The following RBFOX1 variants were observed in gnomAD, a reference collection of about 807,000 sequenced individuals.
RBFOX1 encodes RNA binding fox-1 homolog 1, also known as RNA binding protein fox-1 homolog 1.
A neutral mutation model predicts 57.7 loss-of-function variants in RBFOX1; 8 were observed. The ratio of observed to expected loss-of-function variants is 0.14; its 90% CI spans 0.08 to 0.25. The LOEUF (loss-of-function observed/expected upper bound fraction) is 0.25, where lower values mean the gene tolerates loss of function less well. Among genes scored for constraint, RBFOX1 ranks in the 10% least tolerant of loss-of-function variants. The pLI, the probability that RBFOX1 is intolerant of heterozygous loss-of-function variation, is 1.00. For synonymous variants in RBFOX1, 326 were observed against 222.4 expected, an observed-to-expected ratio of 1.47 and a Z score of -4.15; for missense variants, 611 against 548.5, an observed-to-expected ratio of 1.11 and a Z score of -1.14.
At chr16:6,387,341 G>A (rs559242865) in intron 2 of RBFOX1, among the ~76,000 whole-genome samples, 3 of 152,070 alleles carry the variant, frequency 2.0e-5, no homozygotes, top group South Asian at 4.2e-4. Flanking sequence ...AGCACTCAGC[G>A]CCTGCTGTTG....
chr16:6,251,685 G>T (rs888511120), intron 1 of RBFOX1, among the ~76,000 whole-genome samples: 1 of 152,072 alleles, frequency 6.6e-6, no homozygotes, highest in Non-Finnish European at 1.5e-5. Context: ...CAGTACATGT[G>T]AGTTAAGGGA....
At chr16:7,158,994 C>G (rs1375540473) in intron 4 of RBFOX1, among the ~76,000 whole-genome samples, 1 of 152,018 alleles carries the variant, frequency 6.6e-6, no homozygotes, top group Non-Finnish European at 1.5e-5. Flanking sequence ...CACAAGGATC[C>G]CTCAGATTCC....
intron 3 of RBFOX1, among the ~76,000 whole-genome samples, chr16:5,791,414 AT>A (rs1189676431): frequency 1.3e-5 from 2 of 152,188 alleles, no homozygotes; most frequent in African/African-American, 4.8e-5. Flanking sequence ...TCGCTTTTTA[AT>A]TCTTACAGCA....
At chr16:6,261,889 G>A (rs556460308) in intron 1 of RBFOX1, among the ~76,000 whole-genome samples, 2 of 151,494 alleles carry the variant, frequency 1.3e-5, no homozygotes, top group South Asian at 4.2e-4. Flanking sequence ...ACCTAGCTGG[G>A]CATGGTGGCA....
chr16:6,905,748 T>A (rs12051354), intron 3 of RBFOX1, among the ~76,000 whole-genome samples: 3 of 152,054 alleles, frequency 2.0e-5, no homozygotes, highest in African/African-American at 7.2e-5. Flanking sequence ...CAAGTTTGCA[T>A]GCCATGGATG....
intron 3 of RBFOX1, among the ~76,000 whole-genome samples, chr16:5,680,068 T>C (rs2050284894): frequency 6.6e-6 from 1 of 152,170 alleles, no homozygotes; most frequent in Non-Finnish European, 1.5e-5. Flanking sequence ...GCTCGATTGA[T>C]TTAATGGACA....
At chr16:7,058,243 C>G (rs1471470355) in intron 4 of RBFOX1, among the ~76,000 whole-genome samples, 1 of 152,118 alleles carries the variant, frequency 6.6e-6, no homozygotes, top group Non-Finnish European at 1.5e-5. Flanking sequence ...TCCATTGTCT[C>G]TCTGTGGTTT....
chr16:6,738,178 A>T (rs2154180123), intron 3 of RBFOX1, among the ~76,000 whole-genome samples: 1 of 152,292 alleles, frequency 6.6e-6, no homozygotes, highest in Non-Finnish European at 1.5e-5. Context: ...TGATCAAAAC[A>T]CATGGAACAA....
intron 2 of RBFOX1, among the ~76,000 whole-genome samples, chr16:6,604,458 A>C (rs9931402): frequency 0.54 from 82,331 of 151,766 alleles, 23,043 homozygotes; most frequent in African/African-American, 0.67. Context: ...CATTCTTGTT[A>C]TATAAGAAAG....
chr16:5,792,433 C>T (rs1350968767), intron 3 of RBFOX1, among the ~76,000 whole-genome samples: 8 of 152,210 alleles, frequency 5.3e-5, no homozygotes, highest in African/African-American at 1.7e-4. Context: ...AATAGCCTAC[C>T]ATTGGCTGGA....
intron 2 of RBFOX1, among the ~76,000 whole-genome samples, chr16:6,447,666 C>G (rs975368306): frequency 1.3e-5 from 2 of 152,156 alleles, no homozygotes; most frequent in South Asian, 2.1e-4. Flanking sequence ...TTAAAGTTTG[C>G]TGATAACAAG....
intron 3 of RBFOX1, among the ~76,000 whole-genome samples, chr16:6,913,513 A>C (rs928886751): frequency 1.3e-5 from 2 of 152,136 alleles, no homozygotes; most frequent in African/African-American, 4.8e-5. Context: ...CATCATCTGC[A>C]GTGCCCGATG....
intron 1 of RBFOX1, among the ~76,000 whole-genome samples, chr16:6,066,705 G>T (rs536281653): frequency 6.6e-6 from 1 of 152,266 alleles, no homozygotes; most frequent in South Asian, 2.1e-4. Context: ...GGACAAAAAT[G>T]GCAGCAGGTA....
chr16:5,592,113 A>ATT (rs1378400685), intron 2 of RBFOX1, among the ~76,000 whole-genome samples: 1 of 152,226 alleles, frequency 6.6e-6, no homozygotes, highest in African/African-American at 2.4e-5. Flanking sequence ...CTTAATGTGC[A>ATT]TAAGAGGTAT....
chr16:5,953,388 T>A (rs943477524), intron 4 of RBFOX1, among the ~76,000 whole-genome samples: 2 of 152,174 alleles, frequency 1.3e-5, no homozygotes, highest in African/African-American at 4.8e-5. Context: ...GGTGTTTGGT[T>A]ACATGAGTAA....
chr16:6,228,621 TAGAAAC>T (rs2097434878), intron 1 of RBFOX1, among the ~76,000 whole-genome samples: 1 of 152,146 alleles, frequency 6.6e-6, no homozygotes, highest in African/African-American at 2.4e-5. Context: ...GTGAGACTCA[TAGAAAC>T]AGAGTAAAAT....
At chr16:5,633,521 A>G (rs868617862) in intron 3 of RBFOX1, among the ~76,000 whole-genome samples, 1 of 152,198 alleles carries the variant, frequency 6.6e-6, no homozygotes, top group Non-Finnish European at 1.5e-5. Flanking sequence ...CAAAAGACTG[A>G]CATCCAGAAT....
intron 1 of RBFOX1, among the ~76,000 whole-genome samples, chr16:5,275,684 A>C (rs1454552388): frequency 6.6e-6 from 1 of 152,214 alleles, no homozygotes; most frequent in East Asian, 1.9e-4. Context: ...TAGAAAAAAC[A>C]ATGCCAAAAT....
chr16:7,174,788 C>T (rs1038187317), intron 4 of RBFOX1, among the ~76,000 whole-genome samples: 1 of 152,086 alleles, frequency 6.6e-6, no homozygotes, highest in African/African-American at 2.4e-5. Context: ...TCAAAACAAA[C>T]AGACAAACAA....
Sources: gnomAD v4.1 joint callset for allele counts (sites outside exome capture counted in the v4.1 genomes callset) on GRCh38, gnomAD v4.1.1 for gene constraint, MANE v1.5 for transcripts, NCBI Gene and HGNC (gene_info 2026-07-23, HGNC 2026-07-21) for gene names.